Variants in DTX2 observed in about 807,000 individuals in gnomAD.
DTX2 encodes the protein probable E3 ubiquitin-protein ligase DTX2.
A neutral mutation model predicts 55.3 loss-of-function variants in DTX2; 29 were observed. The observed-to-expected ratio is 0.52, with a 90% confidence interval of 0.39 to 0.71. The LOEUF is 0.71. Among genes scored for constraint, DTX2 ranks in the 30% least tolerant of loss-of-function variants. The pLI is 0.00. For synonymous variants in DTX2, 276 were observed against 340.4 expected (o/e 0.81, Z 2.08); for missense variants, 537 against 822.5 (o/e 0.65, Z 4.25).
intron 5 of DTX2, among the ~76,000 whole-genome samples, chr7:76,495,998 CCTT>C (rs1483054512): frequency 1.9e-5 from 2 of 105,890 alleles, no homozygotes; most frequent in East Asian, 2.6e-4. Flanking sequence ...GCCCGCTTGT[CCTT>C]CTCTCCACCC....
rs554346964 is a variant in DTX2 at position 76,481,747 on chromosome 7, C to G, written c.269-761C>G. 3.3e-5 allele frequency among the ~76,000 whole-genome samples: 5 copies of G among 152,096 alleles called. No individual in the cohort carries two copies. In the South Asian group the frequency reaches 8.3e-4, roughly 25 times the overall value. ...GGCCCTGCAGTAAGGAATTATTGGC[C>G]CACAGTGTCACCAGTGAGGAAACTT... On this transcript the variant is annotated intron_variant, in intron 3 of 10. Transcript: ENST00000430490.
intron 2 of DTX2, among the ~76,000 whole-genome samples, chr7:76,475,292 C>G (rs558962720): frequency 6.6e-6 from 1 of 151,268 alleles, no homozygotes; most frequent in South Asian, 2.1e-4. Context: ...GCCTGGGCAA[C>G]AAGAATGAAA....
intron 3 of DTX2, among the ~76,000 whole-genome samples, chr7:76,481,209 C>T (rs1486124966): frequency 9.4e-5 from 14 of 149,332 alleles, no homozygotes; most frequent in African/African-American, 2.7e-4. Context: ...TTTTTTGAGA[C>T]GGAGTCTGGC....
At chr7:76,498,916 A>G (rs1439700496) in intron 6 of DTX2, among the ~76,000 whole-genome samples, 3 of 14,034 alleles carry the variant, frequency 2.1e-4, no homozygotes, top group Admixed American at 6.8e-4. Context: ...GTGTGTGTGG[A>G]GTGTGTGTGG....
chr7:76,495,988 G>A (rs1310487885), intron 5 of DTX2, among the ~76,000 whole-genome samples: 8 of 106,262 alleles, frequency 7.5e-5, no homozygotes, highest in Admixed American at 9.1e-5. Context: ...TGCCACCCGC[G>A]CCCGCTTGTC....
chr7:76,501,937 G>A (rs1276844212), intron 7 of DTX2: 10 of 267,948 alleles, frequency 3.7e-5, no homozygotes, highest in Non-Finnish European at 6.8e-6. Flanking sequence ...CACCCAGGCT[G>A]GAGTGCAGTG....
chr7:76,499,304 G>C (rs1811369203), intron 6 of DTX2, among the ~76,000 whole-genome samples: 1 of 118,724 alleles, frequency 8.4e-6, no homozygotes, highest in Admixed American at 8.9e-5. Context: ...GAGGCTCAGA[G>C]GTGGCATGAT....
intron 5 of DTX2, among the ~76,000 whole-genome samples, chr7:76,493,616 A>G (rs1425347803): frequency 1.2e-5 from 1 of 84,466 alleles, no homozygotes; most frequent in Non-Finnish European, 2.4e-5. Context: ...GCGGAATTCA[A>G]TAATGAGTTG....
chr7:76,477,089 G>T (rs1808628504), intron 2 of DTX2: 1 of 148,412 alleles, frequency 6.7e-6, no homozygotes, highest in Non-Finnish European at 1.5e-5. Flanking sequence ...GCAGTCCTCT[G>T]ATTTGTACCT....
chr7:76,478,500 A>G (rs1278753800), intron 2 of DTX2, among the ~76,000 whole-genome samples: 1 of 147,892 alleles, frequency 6.8e-6, no homozygotes, highest in East Asian at 2.0e-4. Context: ...GCAGCCTCTA[A>G]CTCCTGGGCT....
chr7:76,505,552 C>A lies in DTX2; in HGVS notation c.1820C>A (p.Ala607Asp). The A allele has an allele frequency of 6.2e-7, 1 of 1,604,622 alleles. No individual in the cohort carries two copies. Among genetic ancestry groups the A allele is most frequent in the Non-Finnish European group, 8.5e-7 (1 of 1,176,664 alleles). Residue 607 changes from alanine to aspartate, a missense_variant, in exon 11 of 11, where the codon GCT becomes GAT. Ala to Asp is a moderately radical substitution (Grantham distance 126, BLOSUM62 -2). This residue lies in a region of DTX2 where 59 missense variants were observed against 54.1 expected (regional missense o/e 1.09). Coordinates refer to ENST00000430490, the MANE Select transcript of DTX2 (RefSeq NM_001102594.3). This position sits in a 1 kb window ranked among gnomAD's most constrained non-coding sequence, Gnocchi z 4.4. Reference protein sequence around the residue: ...PDPNYLQNVLAELAAQGVTED... With the variant: ...PDPNYLQNVLDELAAQGVTED... ...CCCAACTACCTGCAGAACGTGCTGG[C>A]TGAGCTGGCTGCCCAGGGGGTGACC...
chr7:76,503,290 C>T lies in DTX2; in HGVS notation c.1390-136C>T, dbSNP rs58029674. On this transcript the variant is annotated intron_variant, in intron 8 of 10. Transcript: ENST00000430490. ...AGGGAAGCTGTTGGAAGCCAGTTTC[C>T]GGGCAGGAGGCTGCCAGCAACTCCC... is the stretch of plus-strand genomic sequence containing the variant. 927 of 966,126 alleles carry T rather than the reference C, an allele frequency of 9.6e-4. 9 individuals carry two copies. In the African/African-American group the frequency reaches 0.01, roughly 11 times the overall value. The allele number at this position is 966,126 out of a possible 1,614,324, so 59.8% of individuals were successfully genotyped here.
At chr7:76,499,572 C>G (rs1237236412) in intron 6 of DTX2, among the ~76,000 whole-genome samples, 1 of 149,978 alleles carries the variant, frequency 6.7e-6, no homozygotes, top group Non-Finnish European at 1.5e-5. Flanking sequence ...GGGTGGAGCC[C>G]CTGTCAGGAG....
chr7:76,464,122 C>A (rs2116067902), intron 2 of DTX2, among the ~76,000 whole-genome samples: 2 of 151,806 alleles, frequency 1.3e-5, no homozygotes, highest in Middle Eastern at 6.8e-3. Flanking sequence ...GGAGAAATCA[C>A]AAGGCTCTCC....
chr7:76,502,570 G>T, intron 8 of DTX2, 114 bp downstream of exon 8: 11 of 1,237,500 alleles, frequency 8.9e-6, no homozygotes, highest in African/African-American at 1.5e-5. Flanking sequence ...CTCTGCAAAA[G>T]ATGGTGCTGG....
Position 76,482,839 on chromosome 7 carries a change from G to C in DTX2, c.600G>C (p.Gln200His). ...CAGGCGTCGCCTGCTCTTGCCACCA[G>C]TGCCTCAGTGGCAGCAGAACTGGCC... Reference protein sequence around the residue: ...GHTGVACSCHQCLSGSRTGPV... With the variant: ...GHTGVACSCHHCLSGSRTGPV... Residue 200 changes from glutamine (Q) to histidine (H), a missense_variant, in exon 4 of 11, where the codon CAG (glutamine) becomes CAC (histidine). Around this residue, in one of 7 missense-constraint regions of DTX2, gnomAD observed 301 missense variants for 396.6 expected, o/e 0.76. Coordinates refer to ENST00000430490, the MANE Select transcript of DTX2 (RefSeq NM_001102594.3). 3 of 1,613,748 alleles carry C rather than the reference G, an allele frequency of 1.9e-6. No homozygotes were observed. The highest frequency in any genetic ancestry group is 2.5e-6 in the Non-Finnish European group (3 of 1,179,712).
intron 2 of DTX2, among the ~76,000 whole-genome samples, chr7:76,478,414 ATTTTTTTT>A (rs559041165): frequency 1.7e-5 from 2 of 120,454 alleles, no homozygotes; most frequent in African/African-American, 7.1e-5. Context: ...ATCAGCTCTG[ATTTTTTTT>A]TTTTTTTTTT....
At chr7:76,474,604 A>T (rs1463426020) in intron 2 of DTX2, 1 of 152,052 alleles carries the variant, frequency 6.6e-6, no homozygotes, top group Non-Finnish European at 1.5e-5. Context: ...GGTTTCTCAC[A>T]TATTGTTAAG....
chr7:76,464,829 C>A (rs1239902518), intron 2 of DTX2, among the ~76,000 whole-genome samples: 1 of 150,918 alleles, frequency 6.6e-6, no homozygotes, highest in African/African-American at 2.5e-5. Context: ...AGTGGTTTTG[C>A]CCTCAGTTGC....
Sources: allele counts gnomAD v4.1 joint callset (sites outside exome capture counted in the v4.1 genomes callset), GRCh38; gene constraint gnomAD v4.1.1; regional missense constraint gnomAD v4.1.1; non-coding constraint Gnocchi (gnomAD v3.1); transcripts MANE v1.5; gene names NCBI Gene and HGNC (gene_info 2026-07-23, HGNC 2026-07-21).